KIF4A: variants seen among roughly 807,000 people sequenced by gnomAD.
KIF4A encodes chromosome-associated kinesin KIF4A.
In KIF4A, 7 loss-of-function variants were observed where a neutral mutation model predicts 105.9. The ratio of observed to expected loss-of-function variants is 0.07; its 90% CI spans 0.04 to 0.12. KIF4A has a LOEUF of 0.12. Among genes scored for constraint, KIF4A ranks in the 10% least tolerant of loss-of-function variants. The pLI is 1.00. For missense variants in KIF4A, 558 were observed against 929.2 expected (o/e 0.60, Z 5.19); for synonymous variants, 281 against 331.3 (o/e 0.85, Z 1.65).
intron 18 of KIF4A, 82 bp downstream of exon 18, chrX:70,376,292 C>T: frequency 1.9e-6 from 1 of 517,136 alleles, no homozygotes. Context: ...TCTCTTCAAA[C>T]ACCTCGTGTC....
chrX:70,349,572 C>T lies in KIF4A; in HGVS notation c.1432-3028C>T, dbSNP rs368679821. 5.7e-3 allele frequency among the ~76,000 whole-genome samples: 507 copies of T among 88,184 alleles called. 13 individuals are homozygous for T. The highest frequency in any genetic ancestry group is 0.021 in the African/African-American group (471 of 22,432). The allele number at this position is 88,184 out of a possible 115,157, so 76.6% of individuals were successfully genotyped here. ...GCAGAGGCACTCCTCAGTTCCCAGA[C>T]GGGGCGGCCGGGCAGAGATGCTCCT... On this transcript the variant is annotated intron_variant, in intron 13 of 30. Coordinates refer to ENST00000374403, the MANE Select transcript of KIF4A (RefSeq NM_012310.5).
chrX:70,353,861 A>G (rs922351093), intron 15 of KIF4A, 54 bp downstream of exon 15: 7 of 950,472 alleles, frequency 7.4e-6, no homozygotes, highest in Non-Finnish European at 9.9e-6. Flanking sequence ...CTTAAACTGA[A>G]TGGGAAGAAA....
At chrX:70,313,421 T>C (rs140246385) in intron 7 of KIF4A, among the ~76,000 whole-genome samples, 1 of 111,448 alleles carries the variant, frequency 9.0e-6, no homozygotes, top group African/African-American at 3.3e-5. Flanking sequence ...ATTAAACTGC[T>C]TAGGGATGAT....
chrX:70,315,995 C>T (rs1186961790), intron 7 of KIF4A, among the ~76,000 whole-genome samples: 1 of 111,493 alleles, frequency 9.0e-6, no homozygotes, highest in Non-Finnish European at 1.9e-5. Context: ...CTACATCACC[C>T]CTTACTCTCA....
intron 15 of KIF4A, among the ~76,000 whole-genome samples, chrX:70,361,334 G>A (rs2086074558): frequency 8.8e-6 from 1 of 113,560 alleles, no homozygotes; most frequent in Admixed American, 9.2e-5. Context: ...AAATGCCATG[G>A]GCATCACATT....
Position 70,343,939 on chromosome X carries a change from T to C in KIF4A, c.1388T>C (p.Val463Ala). The C allele has an allele frequency of 8.3e-7, 1 of 1,210,459 alleles. No individual in the cohort carries two copies. The highest frequency in any genetic ancestry group is 1.1e-6 in the Non-Finnish European group (1 of 894,327). The change falls in exon 13 of 31, where the codon GTA becomes GCA. Residue 463 changes from valine (V) to alanine (A), a missense_variant. Val to Ala is a moderately conservative substitution (Grantham distance 64). Transcript: ENST00000374403. Reference protein sequence around the residue: ...TLEDQELKENVEIICNLQQLI... With the variant: ...TLEDQELKENAEIICNLQQLI... Reference sequence around the variant, plus strand: ...GAAGACCAGGAATTGAAAGAAAATGTAGAGATAATTTGTAACCTGCAGCAA... The same window carrying C: ...GAAGACCAGGAATTGAAAGAAAATGCAGAGATAATTTGTAACCTGCAGCAA...
chrX:70,358,312 G>T (rs781088132), intron 15 of KIF4A, among the ~76,000 whole-genome samples: 1 of 110,812 alleles, frequency 9.0e-6, no homozygotes, highest in East Asian at 2.8e-4. Flanking sequence ...CTTTGATAAT[G>T]CTATCTCTAC....
intron 7 of KIF4A, among the ~76,000 whole-genome samples, chrX:70,319,682 A>C (rs1011233192): frequency 7.1e-5 from 8 of 112,609 alleles, no homozygotes; most frequent in African/African-American, 2.6e-4. Flanking sequence ...TTTTTATTGA[A>C]GTATAATGTG....
In KIF4A at chrX:70,378,790, C is replaced by T. The variant is rs770404015; in HGVS notation, c.2034+2580C>T. ...TGAAATAGAAAAAAACGGGGAAAAT[C>T]ATTGAAACCAAAAGTTGGTTTTTTG... is the stretch of plus-strand genomic sequence containing the variant. On this transcript the variant is annotated intron_variant, in intron 18 of 30. Transcript: ENST00000374403. Among the ~76,000 whole-genome samples, 140 of 108,134 alleles carry T rather than the reference C, an allele frequency of 1.3e-3. 2 individuals are homozygous for T. The Admixed American group carries it at 0.014, about 11-fold the overall frequency. 93.9% of individuals were successfully genotyped at this position (108,134 alleles called of 115,157 possible).
At chrX:70,383,980 C>T (rs1363583980) in intron 18 of KIF4A, among the ~76,000 whole-genome samples, 1 of 111,812 alleles carries the variant, frequency 8.9e-6, no homozygotes, top group Non-Finnish European at 1.9e-5. Context: ...GTGATGTTTA[C>T]ATCAACTGTG....
At chrX:70,372,093 G>C (rs756993135) in intron 15 of KIF4A, among the ~76,000 whole-genome samples, 1 of 108,007 alleles carries the variant, frequency 9.3e-6, no homozygotes, top group South Asian at 4.2e-4. Context: ...GATGGCGGCC[G>C]GGAAGAGGCG....
intron 3 of KIF4A, among the ~76,000 whole-genome samples, chrX:70,295,993 C>G (rs1262318611): frequency 9.3e-6 from 1 of 107,212 alleles, no homozygotes; most frequent in East Asian, 2.9e-4. Flanking sequence ...TACTTTTGAT[C>G]TTTTCCTATC....
At chrX:70,383,182 A>G (rs1169230568) in intron 18 of KIF4A, among the ~76,000 whole-genome samples, 8 of 97,951 alleles carry the variant, frequency 8.2e-5, no homozygotes, top group Non-Finnish European at 1.5e-4. Flanking sequence ...GTGAGACTCC[A>G]TCTCAAAAAA....
intron 20 of KIF4A, among the ~76,000 whole-genome samples, chrX:70,392,784 C>T (rs2086242179): frequency 9.4e-6 from 1 of 106,585 alleles, no homozygotes; most frequent in African/African-American, 3.4e-5. Flanking sequence ...TATATTTTAC[C>T]ACAATAAAAA....
intron 10 of KIF4A, among the ~76,000 whole-genome samples, chrX:70,338,230 A>C (rs1481574720): frequency 8.9e-6 from 1 of 111,754 alleles, no homozygotes; most frequent in Non-Finnish European, 1.9e-5. Context: ...AAATTTACAG[A>C]GTTGTACAAC....
intron 18 of KIF4A, among the ~76,000 whole-genome samples, chrX:70,379,928 G>A (rs2086190735): frequency 9.0e-6 from 1 of 111,078 alleles, no homozygotes; most frequent in Non-Finnish European, 1.9e-5. Context: ...CACAAGAAAA[G>A]AATACTACAG....
chrX:70,414,021 A>G (rs1215396482), intron 28 of KIF4A, among the ~76,000 whole-genome samples: 1 of 111,126 alleles, frequency 9.0e-6, no homozygotes, highest in East Asian at 2.8e-4. Flanking sequence ...TGGGTAGTCA[A>G]GGGCCAGATC....
chrX:70,323,985 G>A (rs180845460), intron 7 of KIF4A, among the ~76,000 whole-genome samples: 313 of 110,229 alleles, frequency 2.8e-3, no homozygotes, highest in African/African-American at 9.9e-3. Context: ...GCACCATCAC[G>A]CCTGGCTAAT....
chrX:70,348,495 C>T (rs907552064), intron 13 of KIF4A, among the ~76,000 whole-genome samples: 3 of 111,052 alleles, frequency 2.7e-5, no homozygotes, highest in African/African-American at 9.8e-5. Context: ...GCAGAGGTCC[C>T]TGCAGCCTTC....
Sources: gnomAD v4.1 joint callset for allele counts (sites outside exome capture counted in the v4.1 genomes callset) on GRCh38, gnomAD v4.1.1 for gene constraint, MANE v1.5 for transcripts, NCBI Gene and HGNC (gene_info 2026-07-23, HGNC 2026-07-21) for gene names.